Variants in FSTL5 observed in about 807,000 individuals in gnomAD.
FSTL5 encodes the protein follistatin-related protein 5.
Under a neutral mutation model 89.1 loss-of-function variants are expected in FSTL5, and 62 were observed. That is an observed-to-expected ratio of 0.70 (90% CI 0.57 to 0.86). The LOEUF (loss-of-function observed/expected upper bound fraction) is 0.86, where lower values mean the gene tolerates loss of function less well. FSTL5 is among the 40% of genes least tolerant of loss of function. The probability of loss-of-function intolerance (pLI) is 0.00; values close to 1 mark genes in which losing one functional copy is unlikely to be tolerated. For synonymous variants in FSTL5, 383 were observed against 346.2 expected, an observed-to-expected ratio of 1.11 and a Z score of -1.18; for missense variants, 1,057 against 1,001.6, an observed-to-expected ratio of 1.06 and a Z score of -0.75.
At chr4:161,577,825 G>T (rs1164424432) in intron 8 of FSTL5, among the ~76,000 whole-genome samples, 1 of 152,102 alleles carries the variant, frequency 6.6e-6, no homozygotes, top group Non-Finnish European at 1.5e-5. Context: ...CACAAGGATA[G>T]GTGCCATATG....
chr4:161,472,017 C>G (rs569449637), intron 13 of FSTL5, among the ~76,000 whole-genome samples: 1 of 146,466 alleles, frequency 6.8e-6, no homozygotes, highest in Non-Finnish European at 1.5e-5. Flanking sequence ...CGCTCTGTTG[C>G]CCAGGCTGGA....
chr4:161,680,298 T>C (rs1413639777), intron 6 of FSTL5, among the ~76,000 whole-genome samples: 1 of 151,896 alleles, frequency 6.6e-6, no homozygotes, highest in African/African-American at 2.4e-5. Context: ...TGAATCTACT[T>C]ACTGAGGTCA....
At chr4:161,579,314 CA>C (rs1733343107) in intron 8 of FSTL5, among the ~76,000 whole-genome samples, 2 of 151,040 alleles carry the variant, frequency 1.3e-5, no homozygotes. Context: ...CAATATCTGA[CA>C]AAAATTTTAA....
intron 14 of FSTL5, among the ~76,000 whole-genome samples, chr4:161,458,694 G>C (rs544613597): frequency 7.9e-5 from 12 of 152,092 alleles, no homozygotes; most frequent in African/African-American, 2.9e-4. Context: ...TGCTCCAAAG[G>C]GTCATGACCA....
intron 4 of FSTL5, among the ~76,000 whole-genome samples, chr4:161,865,892 G>A (rs1312603339): frequency 6.6e-6 from 1 of 152,176 alleles, no homozygotes. Context: ...CTTTCCAGCT[G>A]CTGCATATCT....
chr4:162,117,413 GC>G (rs979476405), intron 1 of FSTL5, among the ~76,000 whole-genome samples: 1 of 152,192 alleles, frequency 6.6e-6, no homozygotes, highest in African/African-American at 2.4e-5. Flanking sequence ...GGAGATATTA[GC>G]TAAGCATTGG....
At chr4:161,655,504 G>A (rs1736484400) in intron 7 of FSTL5, among the ~76,000 whole-genome samples, 1 of 152,062 alleles carries the variant, frequency 6.6e-6, no homozygotes, top group South Asian at 2.1e-4. Context: ...GATCTTTCTA[G>A]AATGTGTTTC....
chr4:161,461,547 C>A (rs186459135), intron 13 of FSTL5, among the ~76,000 whole-genome samples: 93 of 146,472 alleles, frequency 6.3e-4, no homozygotes, highest in Middle Eastern at 3.6e-3. Flanking sequence ...AAACTGAATT[C>A]TTTATAACCT....
chr4:161,715,374 T>C (rs984072502), intron 6 of FSTL5, among the ~76,000 whole-genome samples: 2 of 152,318 alleles, frequency 1.3e-5, no homozygotes, highest in Admixed American at 1.3e-4. Context: ...TGGATCGTTC[T>C]GTCTTTAATA....
At chr4:161,457,659 GA>G (rs1291525841) in intron 14 of FSTL5, among the ~76,000 whole-genome samples, 3 of 151,866 alleles carry the variant, frequency 2.0e-5, no homozygotes, top group Admixed American at 6.6e-5. Flanking sequence ...AAAAAGACAT[GA>G]AAAAATTAAA....
intron 4 of FSTL5, among the ~76,000 whole-genome samples, chr4:161,886,008 A>T (rs1732795232): frequency 7.4e-6 from 1 of 135,502 alleles, no homozygotes; most frequent in Admixed American, 8.4e-5. Context: ...ACTTTAATCA[A>T]CAAATCATCA....
At chr4:161,582,973 G>C (rs1461130376) in intron 8 of FSTL5, among the ~76,000 whole-genome samples, 1 of 152,020 alleles carries the variant, frequency 6.6e-6, no homozygotes, top group Non-Finnish European at 1.5e-5. Flanking sequence ...GAATCACGAG[G>C]TCAGCAGTTC....
At chr4:161,965,052 C>T (rs963714503) in intron 3 of FSTL5, among the ~76,000 whole-genome samples, 1 of 152,004 alleles carries the variant, frequency 6.6e-6, no homozygotes, top group African/African-American at 2.4e-5. Flanking sequence ...ATCATTACAG[C>T]TAAAAGGGAA....
intron 4 of FSTL5, among the ~76,000 whole-genome samples, chr4:161,844,765 G>C (rs1011083680): frequency 5.3e-5 from 8 of 152,024 alleles, no homozygotes; most frequent in Non-Finnish European, 1.2e-4. Flanking sequence ...ACAGGGAGGG[G>C]AACATCACAC....
intron 2 of FSTL5, among the ~76,000 whole-genome samples, chr4:162,060,276 C>T (rs72693242): frequency 0.012 from 1,785 of 151,980 alleles, 13 homozygotes; most frequent in Non-Finnish European, 0.019. Flanking sequence ...TAGCAGTCTC[C>T]GGTTTATACT....
chr4:162,159,903 T>C (rs1324202906), intron 1 of FSTL5, among the ~76,000 whole-genome samples: 1 of 151,900 alleles, frequency 6.6e-6, no homozygotes, highest in Admixed American at 6.6e-5. Context: ...CCAAAAAAAC[T>C]GGTATGTGCA....
At chr4:161,420,052 A>G (rs1308047578) in intron 15 of FSTL5, among the ~76,000 whole-genome samples, 1 of 152,242 alleles carries the variant, frequency 6.6e-6, no homozygotes, top group Non-Finnish European at 1.5e-5. Flanking sequence ...AATGGAGGTA[A>G]GAAAGAATAT....
intron 9 of FSTL5, among the ~76,000 whole-genome samples, chr4:161,538,653 T>A (rs542026969): frequency 1.6e-4 from 25 of 152,192 alleles, no homozygotes; most frequent in Non-Finnish European, 3.4e-4. Flanking sequence ...TTTTCAGAAA[T>A]CTAATAATAG....
At chr4:162,074,518 A>G (rs1561004723) in intron 2 of FSTL5, among the ~76,000 whole-genome samples, 2 of 151,782 alleles carry the variant, frequency 1.3e-5, no homozygotes, top group African/African-American at 4.8e-5. Flanking sequence ...AAACTTATTA[A>G]CATATTAAAT....
Sources: allele counts gnomAD v4.1 joint callset (sites outside exome capture counted in the v4.1 genomes callset), GRCh38; gene constraint gnomAD v4.1.1; transcripts MANE v1.5; gene names NCBI Gene and HGNC (gene_info 2026-07-23, HGNC 2026-07-21).